COL6A3: variants seen among roughly 807,000 people sequenced by gnomAD.
The protein encoded by COL6A3 is collagen type VI alpha 3 chain.
Under a neutral mutation model 274.1 loss-of-function variants are expected in COL6A3, and 137 were observed. The ratio of observed to expected loss-of-function variants is 0.50; its 90% CI spans 0.44 to 0.58. The LOEUF is 0.58. Among genes scored for constraint, COL6A3 ranks in the 20% least tolerant of loss-of-function variants. COL6A3 has a pLI of 0.00. For synonymous variants in COL6A3, 1,650 were observed against 1,650.6 expected (o/e 1.00, Z 0.01); for missense variants, 3,950 against 4,124.9 (o/e 0.96, Z 1.16).
At position 237,374,597 on chromosome 2, in the gene COL6A3, A is replaced by G. The variant is rs779290907; in HGVS notation, c.3494T>C (p.Ile1165Thr). Residue 1165 changes from isoleucine (I) to threonine (T), a missense_variant, in exon 8 of 44, where the codon ATT becomes ACT. Physicochemically the swap from Ile to Thr is moderately conservative, Grantham distance 89. Transcript: ENST00000295550. This position sits in a 1 kb window ranked among gnomAD's most constrained non-coding sequence, Gnocchi z 4.8. ...TGTGATGTCAGCGTTCCCGATGCCA[A>G]TGCCAATGGGCACAGCCCCACCCCT... ...VKRGGAVPIG[I>T]GIGNADITEM... 6.2e-7 allele frequency: 1 copy of G among 1,614,180 alleles called. No individual in the cohort carries two copies. The highest frequency in any genetic ancestry group is 8.5e-7 in the Non-Finnish European group (1 of 1,180,032).
Position 237,371,233 on chromosome 2 carries a change from T to G in COL6A3, c.4285+499A>C, listed in dbSNP as rs535339964. The stretch of plus-strand genomic sequence containing the variant: ...TGCCACGGTATGCATTCTCCCTGGA[T>G]GCCATGAGCAATAGACCCAACTTGT... On this transcript the variant is annotated intron_variant, in intron 9 of 43. Transcript: ENST00000295550. The surrounding 1 kb of genome is among the most constrained non-coding windows in gnomAD (Gnocchi z 4.3). 5.3e-5 allele frequency among the ~76,000 whole-genome samples: 8 copies of G among 152,272 alleles called. No homozygotes were observed. In the South Asian group the frequency reaches 1.7e-3, roughly 32 times the overall value.
rs144878757 is a variant in COL6A3 at position 237,372,083 on chromosome 2, C to G, written c.3934G>C (p.Val1312Leu). ...LRPKGGRQIN[V>L]GNALEYVSRN... ...GACACGTACTCCAGGGCATTGCCCA[C>G]GTTGATCTGCCGCCCTCCCTTGGGC... Residue 1312 changes from valine to leucine, a missense_variant, in exon 9 of 44, where the codon GTG (valine) becomes CTG (leucine). Physicochemically the swap from Val to Leu is conservative, Grantham distance 32. Around this residue, in one of 5 missense-constraint regions of COL6A3, gnomAD observed 1,934 missense variants for 1,984.3 expected, o/e 0.97. Coordinates refer to ENST00000295550, the MANE Select transcript of COL6A3 (RefSeq NM_004369.4). 6 of 1,614,062 alleles carry G rather than the reference C, an allele frequency of 3.7e-6. No individual in the cohort carries two copies. Among genetic ancestry groups the G allele is most frequent in the Non-Finnish European group, 5.1e-6 (6 of 1,180,044 alleles).
At chr2:237,333,947 A>C (rs138229179) in intron 41 of COL6A3, among the ~76,000 whole-genome samples, 176 of 152,288 alleles carry the variant, frequency 1.2e-3, no homozygotes, top group Non-Finnish European at 1.9e-3. Flanking sequence ...CCTGAAGAAA[A>C]GAGGAGCCTT....
chr2:237,352,605 C>A (rs1459630945), intron 25 of COL6A3, 21 bp from the exon 26 acceptor site: 13 of 1,610,020 alleles, frequency 8.1e-6, no homozygotes, highest in Non-Finnish European at 1.1e-5. Flanking sequence ...AAAAGACCAT[C>A]GTGAGTGCTA....
chr2:237,370,128 C>G (rs1376315120), intron 9 of COL6A3, among the ~76,000 whole-genome samples: 1 of 151,836 alleles, frequency 6.6e-6, no homozygotes, highest in African/African-American at 2.4e-5. Flanking sequence ...TCCCAAAGTG[C>G]TAGAATTATA....
chr2:237,364,326 T>C lies in COL6A3; in HGVS notation c.5917+24A>G, dbSNP rs374261905. On this transcript the variant is annotated intron_variant, in intron 13 of 43. Transcript: ENST00000295550. This position sits in a 1 kb window ranked among gnomAD's most constrained non-coding sequence, Gnocchi z 4.6. ...CCGCCTCACCAGGGTTTACTTCTCA[T>C]ATTTAGAAAGCCTTGGCACCTACCT... 4 of 1,598,164 alleles carry C rather than the reference T, an allele frequency of 2.5e-6. No homozygotes were observed. In the African/African-American group the frequency reaches 4.0e-5, roughly 16 times the overall value.
intron 3 of COL6A3, among the ~76,000 whole-genome samples, chr2:237,394,349 T>C (rs975401959): frequency 3.9e-5 from 6 of 152,230 alleles, no homozygotes; most frequent in Non-Finnish European, 7.3e-5. Context: ...GTGGGTTTTT[T>C]TAGACTGAAA....
At position 237,380,952 on chromosome 2, in the gene COL6A3, C is replaced by A; in HGVS notation, c.1860G>T (p.Leu620Phe). 6.2e-7 allele frequency: 1 copy of A among 1,614,114 alleles called. No individual in the cohort carries two copies. Among genetic ancestry groups the A allele is most frequent in the Non-Finnish European group, 8.5e-7 (1 of 1,180,032 alleles). The change falls in exon 5 of 44, where the codon TTG becomes TTT. Residue 620 changes from leucine (L) to phenylalanine (F), a missense_variant. Leu to Phe is a conservative substitution (Grantham distance 22). Coordinates refer to ENST00000295550, the MANE Select transcript of COL6A3 (RefSeq NM_004369.4). The stretch of plus-strand genomic sequence containing the variant: ...CAGAGAGGGTCCTGAGAGGTGCCAG[C>A]AAGCCAGGCAGCATGCCTTGCAATG... Reference protein sequence around the residue: ...AAPLQGMLPGLLAPLRTLSGT... With the variant: ...AAPLQGMLPGFLAPLRTLSGT...
At chr2:237,346,624 C>T in intron 31 of COL6A3, 59 bp from the exon 32 acceptor site, 1 of 1,487,430 alleles carries the variant, frequency 6.7e-7, no homozygotes, top group Admixed American at 1.7e-5. Context: ...ATTTAAGGCT[C>T]CTATAGTTGG....
chr2:237,360,262 G>A (rs1479411683), intron 16 of COL6A3, 103 bp from the exon 17 acceptor site: 1 of 1,167,034 alleles, frequency 8.6e-7, no homozygotes, highest in Non-Finnish European at 1.3e-6. Context: ...GCATGCAGCA[G>A]AAAGCAGATT....
At chr2:237,382,319 G>A (rs1003085840) in intron 4 of COL6A3, among the ~76,000 whole-genome samples, 3 of 151,966 alleles carry the variant, frequency 2.0e-5, no homozygotes, top group African/African-American at 7.3e-5. Context: ...GAAGGAGGAG[G>A]TTCCAGTAAG....
In COL6A3 at chr2:237,361,457, G is replaced by A. The variant is rs571206566; in HGVS notation, c.6156+282C>T. ...CAGGCTGCTGTCAGGGACGCCAGCT[G>A]CCTTTAACATTATTTTATGAAATGA... On this transcript the variant is annotated intron_variant, in intron 15 of 43. Coordinates refer to ENST00000295550, the MANE Select transcript of COL6A3 (RefSeq NM_004369.4). The surrounding 1 kb of genome is among the most constrained non-coding windows in gnomAD (Gnocchi z 5.1). Among the ~76,000 whole-genome samples, 3 of 152,198 alleles carry A rather than the reference G, an allele frequency of 2.0e-5. No individual in the cohort carries two copies. Among genetic ancestry groups the A allele is most frequent in the Non-Finnish European group, 4.4e-5 (3 of 68,044 alleles).
chr2:237,393,717 T>C (rs569551879), intron 3 of COL6A3, among the ~76,000 whole-genome samples: 1 of 152,308 alleles, frequency 6.6e-6, no homozygotes, highest in South Asian at 2.1e-4. Flanking sequence ...TGTGGTATGG[T>C]AGAGTTTGAA....
chr2:237,361,446 G>A lies in COL6A3; in HGVS notation c.6157-272C>T, dbSNP rs555944674. Among the ~76,000 whole-genome samples, 107 of 152,296 alleles carry A rather than the reference G, an allele frequency of 7.0e-4. No individual in the cohort carries two copies. Among genetic ancestry groups the A allele is most frequent in the Non-Finnish European group, 1.2e-3 (85 of 68,020 alleles). On this transcript the variant is annotated intron_variant, in intron 15 of 43. Coordinates refer to ENST00000295550, the MANE Select transcript of COL6A3 (RefSeq NM_004369.4). This position sits in a 1 kb window ranked among gnomAD's most constrained non-coding sequence, Gnocchi z 5.1. ...CCATTCGCAGCCAGGCTGCTGTCAGGGACGCCAGCTGCCTTTAACATTATT... is the reference window on the plus strand; with the variant it reads ...CCATTCGCAGCCAGGCTGCTGTCAGAGACGCCAGCTGCCTTTAACATTATT...
rs73998896 is a variant in COL6A3 at position 237,375,036 on chromosome 2, C to G, written c.3071-16G>C. The stretch of plus-strand genomic sequence containing the variant: ...TCACCTGAAACTGGGAGGAGGACAG[C>G]CTGGTAACTCACACAGGACATCAGA... On this transcript the variant is annotated splice_polypyrimidine_tract_variant and intron_variant, in intron 7 of 43. Coordinates refer to ENST00000295550, the MANE Select transcript of COL6A3 (RefSeq NM_004369.4). 6 of 1,612,706 alleles carry G rather than the reference C, an allele frequency of 3.7e-6. No individual in the cohort carries two copies. The highest frequency in any genetic ancestry group is 5.1e-6 in the Non-Finnish European group (6 of 1,180,006).
intron 24 of COL6A3, 139 bp downstream of exon 24, chr2:237,354,760 G>T: frequency 1.4e-6 from 1 of 723,120 alleles, no homozygotes; most frequent in Non-Finnish European, 2.3e-6. Flanking sequence ...CTTTAACCTT[G>T]GCGAAATCAA....
At chr2:237,396,635 A>G in intron 2 of COL6A3, 92 bp downstream of exon 2, 1 of 1,295,174 alleles carries the variant, frequency 7.7e-7, no homozygotes, top group Non-Finnish European at 1.1e-6. Context: ...TTAAGAACAT[A>G]TCTAAGCTCT....
chr2:237,337,901 A>G (rs1700632954), intron 39 of COL6A3, among the ~76,000 whole-genome samples: 1 of 152,230 alleles, frequency 6.6e-6, no homozygotes, highest in African/African-American at 2.4e-5. Flanking sequence ...TCTTCATAGA[A>G]CATGCACATG....
At chr2:237,359,144 G>A (rs1308051040) in intron 19 of COL6A3, 56 bp from the exon 20 acceptor site, 3 of 1,613,318 alleles carry the variant, frequency 1.9e-6, no homozygotes, top group East Asian at 2.2e-5. Context: ...CACAGACTGA[G>A]TTGTTAGTTT....
Sources: gnomAD v4.1 joint callset for allele counts (sites outside exome capture counted in the v4.1 genomes callset) on GRCh38, gnomAD v4.1.1 for gene constraint, gnomAD v4.1.1 regional missense constraint, Gnocchi (gnomAD v3.1) non-coding constraint, MANE v1.5 for transcripts, NCBI Gene and HGNC (gene_info 2026-07-23, HGNC 2026-07-21) for gene names.